The following GDPD4 variants were observed in gnomAD, a reference collection of about 807,000 sequenced individuals.
GDPD4 encodes glycerophosphodiester phosphodiesterase 6.
A neutral mutation model predicts 67.8 loss-of-function variants in GDPD4; 60 were observed. The ratio of observed to expected loss-of-function variants is 0.88; its 90% CI spans 0.72 to 1.10. The LOEUF (loss-of-function observed/expected upper bound fraction) is 1.10, where lower values mean the gene tolerates loss of function less well. Among genes scored for constraint, GDPD4 ranks in the 50% least tolerant of loss-of-function variants. The pLI, the probability that GDPD4 is intolerant of heterozygous loss-of-function variation, is 0.00. For synonymous variants in GDPD4, 212 were observed against 210.9 expected, an observed-to-expected ratio of 1.00 and a Z score of -0.04; for missense variants, 623 against 613.9, an observed-to-expected ratio of 1.01 and a Z score of -0.16.
chr11:77,241,042 C>G (rs1460330359), intron 13 of GDPD4, among the ~76,000 whole-genome samples: 1 of 152,134 alleles, frequency 6.6e-6, no homozygotes, highest in Admixed American at 6.5e-5. Flanking sequence ...AAAAATAGAA[C>G]TAACATACAT....
At chr11:77,285,273 A>G (rs1056006102) in intron 2 of GDPD4, 86 bp from the exon 3 acceptor site, 4 of 671,316 alleles carry the variant, frequency 6.0e-6, no homozygotes, top group Non-Finnish European at 1.0e-5. Context: ...AAAGGTCAGC[A>G]TAGTTGCACT....
chr11:77,220,870 C>T (rs1172249207), intron 16 of GDPD4, among the ~76,000 whole-genome samples: 1 of 152,168 alleles, frequency 6.6e-6, no homozygotes, highest in Non-Finnish European at 1.5e-5. Context: ...TTAATTATTG[C>T]CTCAATTTCA....
At chr11:77,282,473 G>A (rs1959800168) in intron 3 of GDPD4, among the ~76,000 whole-genome samples, 1 of 44 alleles carries the variant, frequency 0.023, no homozygotes, top group Non-Finnish European at 0.031. Flanking sequence ...GGGCAACATG[G>A]CGAAACCTGT....
Position 77,245,441 on chromosome 11 carries a change from T to C in GDPD4, c.926A>G (p.Gln309Arg), listed in dbSNP as rs1958762366. The stretch of plus-strand genomic sequence containing the variant: ...TAAATCAGCTAGTGTTGGAATTGAC[T>C]GATTTCTTGCTCTTTCTTTATCTGC... ...SEADKERARN[Q>R]SIPTLADLLT... is the part of the protein sequence containing the mutation. Residue 309 changes from glutamine to arginine, a missense_variant, in exon 12 of 17, where the codon CAG (glutamine) becomes CGG (arginine). By Grantham distance (43) the Gln-to-Arg change is conservative. Transcript: ENST00000315938. 6.2e-7 allele frequency: 1 copy of C among 1,614,086 alleles called. No homozygotes were observed. Among genetic ancestry groups the C allele is most frequent in the Non-Finnish European group, 8.5e-7 (1 of 1,180,012 alleles).
At position 77,222,945 on chromosome 11, in the gene GDPD4, C is replaced by A. The variant is rs141412265; in HGVS notation, c.1525+4919G>T. On this transcript the variant is annotated intron_variant, in intron 16 of 16. Transcript: ENST00000315938. ...TTGTTCATTTCTTTTTACTCTACTT[C>A]TCTTCTCACTTCATTTCATTAATTT... Among the ~76,000 whole-genome samples the A allele has an allele frequency of 3.3e-3, 507 of 151,734 alleles. 5 individuals are homozygous for A. Among genetic ancestry groups the A allele is most frequent in the African/African-American group, 0.011 (471 of 41,500 alleles).
chr11:77,290,420 T>C (rs1354426254), intron 1 of GDPD4, among the ~76,000 whole-genome samples: 1 of 152,224 alleles, frequency 6.6e-6, no homozygotes, highest in African/African-American at 2.4e-5. Flanking sequence ...AAGTATCTTT[T>C]CTGACCACAA....
At chr11:77,255,685 C>T (rs1184492129) in intron 11 of GDPD4, among the ~76,000 whole-genome samples, 2 of 151,746 alleles carry the variant, frequency 1.3e-5, no homozygotes, top group South Asian at 2.1e-4. Context: ...ATGGTGAAAC[C>T]CCATCTCTAC....
At chr11:77,242,101 G>C (rs1396648122) in intron 13 of GDPD4, among the ~76,000 whole-genome samples, 1 of 151,410 alleles carries the variant, frequency 6.6e-6, no homozygotes, top group African/African-American at 2.4e-5. Context: ...AGAGGGAAAT[G>C]TTTTGAGATC....
intron 11 of GDPD4, among the ~76,000 whole-genome samples, chr11:77,251,768 T>C (rs1393675909): frequency 1.3e-5 from 2 of 152,232 alleles, no homozygotes; most frequent in South Asian, 2.1e-4. Context: ...TTTTAAACTA[T>C]TGTTTCATTA....
At chr11:77,220,131 T>C (rs1218218242) in intron 16 of GDPD4, among the ~76,000 whole-genome samples, 1 of 152,214 alleles carries the variant, frequency 6.6e-6, no homozygotes, top group Admixed American at 6.5e-5. Context: ...GTTTTCTAAA[T>C]ATACAATCAT....
At chr11:77,221,904 A>G (rs1296062630) in intron 16 of GDPD4, among the ~76,000 whole-genome samples, 1 of 151,754 alleles carries the variant, frequency 6.6e-6, no homozygotes, top group African/African-American at 2.4e-5. Context: ...TGCTTTATGA[A>G]TCTGGGTGCT....
intron 14 of GDPD4, among the ~76,000 whole-genome samples, chr11:77,232,210 A>G (rs1272154325): frequency 2.0e-5 from 3 of 152,254 alleles, no homozygotes; most frequent in Non-Finnish European, 4.4e-5. Context: ...TGAACTTCTA[A>G]AAGTTATCTA....
chr11:77,226,050 A>ATCCT (rs1565506353), intron 16 of GDPD4, among the ~76,000 whole-genome samples: 1 of 152,090 alleles, frequency 6.6e-6, no homozygotes, highest in African/African-American at 2.4e-5. Context: ...AAAACAGAAA[A>ATCCT]TCCTTCATTT....
At chr11:77,225,776 T>C (rs1211826616) in intron 16 of GDPD4, among the ~76,000 whole-genome samples, 1 of 152,186 alleles carries the variant, frequency 6.6e-6, no homozygotes, top group East Asian at 1.9e-4. Flanking sequence ...TACGTGCCCA[T>C]CCTGGAGGTG....
intron 13 of GDPD4, 98 bp from the exon 14 acceptor site, chr11:77,233,270 A>G: frequency 8.8e-7 from 1 of 1,130,216 alleles, no homozygotes; most frequent in Non-Finnish European, 1.3e-6. Flanking sequence ...GCTGTTGCCT[A>G]AATCACCAGA....
intron 4 of GDPD4, among the ~76,000 whole-genome samples, chr11:77,278,361 T>C (rs61901768): frequency 6.6e-6 from 1 of 152,296 alleles, no homozygotes; most frequent in African/African-American, 2.4e-5. Flanking sequence ...GCTCCCTCAG[T>C]CCACAATGTT....
intron 4 of GDPD4, among the ~76,000 whole-genome samples, chr11:77,279,010 G>A (rs1435260914): frequency 2.6e-5 from 4 of 152,102 alleles, no homozygotes; most frequent in Non-Finnish European, 5.9e-5. Flanking sequence ...CAATATTGAG[G>A]GAACCATAGG....
intron 1 of GDPD4, among the ~76,000 whole-genome samples, chr11:77,300,129 T>C (rs144057230): frequency 7.0e-6 from 1 of 143,258 alleles, no homozygotes; most frequent in African/African-American, 3.0e-5. Context: ...CCTGACTCAT[T>C]CTGATTACCA....
intron 4 of GDPD4, 80 bp from the exon 5 acceptor site, chr11:77,276,300 A>C: frequency 1.9e-6 from 2 of 1,058,880 alleles, no homozygotes; most frequent in Non-Finnish European, 1.5e-6. Flanking sequence ...ATAGCTCCAA[A>C]TTCCGTTCAC....
Sources: allele counts gnomAD v4.1 joint callset (sites outside exome capture counted in the v4.1 genomes callset), GRCh38; gene constraint gnomAD v4.1.1; transcripts MANE v1.5; gene names NCBI Gene and HGNC (gene_info 2026-07-23, HGNC 2026-07-21).